SEMA5A: variants seen among roughly 807,000 people sequenced by gnomAD.
SEMA5A encodes semaphorin-5A.
Under a neutral mutation model 135.5 loss-of-function variants are expected in SEMA5A, and 55 were observed. The ratio of observed to expected loss-of-function variants is 0.41; its 90% confidence interval spans 0.33 to 0.51. SEMA5A has a LOEUF of 0.51. SEMA5A is among the 20% of genes least tolerant of loss of function. The pLI, the probability that SEMA5A is intolerant of heterozygous loss-of-function variation, is 0.37. For missense variants in SEMA5A, 1,290 were observed against 1,419.9 expected (o/e 0.91, Z 1.47); for synonymous variants, 580 against 546.5 (o/e 1.06, Z -0.85).
chr5:9,402,801 GC>G (rs202035609), intron 2 of SEMA5A, among the ~76,000 whole-genome samples: 3,108 of 152,216 alleles, frequency 0.02, 48 homozygotes, highest in Non-Finnish European at 0.03. Context: ...TTCTCACCTT[GC>G]CCCAGCCAGT....
intron 12 of SEMA5A, among the ~76,000 whole-genome samples, chr5:9,144,767 G>A (rs1742242535): frequency 6.6e-6 from 1 of 152,178 alleles, no homozygotes; most frequent in Non-Finnish European, 1.5e-5. Flanking sequence ...GCTTGGATGA[G>A]GCCATGCTGA....
intron 3 of SEMA5A, among the ~76,000 whole-genome samples, chr5:9,361,965 T>G (rs1036196949): frequency 6.6e-6 from 1 of 152,122 alleles, no homozygotes; most frequent in African/African-American, 2.4e-5. Context: ...GAAGATTTGG[T>G]GTTAAGGCCC....
chr5:9,308,738 G>T (rs572672595), intron 5 of SEMA5A, among the ~76,000 whole-genome samples: 27 of 152,228 alleles, frequency 1.8e-4, no homozygotes, highest in African/African-American at 5.8e-4. Flanking sequence ...CCAAATCCTA[G>T]CTCTACCACC....
chr5:9,168,019 G>A lies in SEMA5A; in HGVS notation c.1274-13324C>T, dbSNP rs73038863. Among the ~76,000 whole-genome samples, 893 of 152,154 alleles carry A rather than the reference G, an allele frequency of 5.9e-3. 4 individuals are homozygous for A. The highest frequency in any genetic ancestry group is 0.02 in the African/African-American group (824 of 41,468). ...AATAACCATGTTAAAAATTCTATAG[G>A]TGTCCAGAGCACACAGGTCACTCCT... On this transcript the variant is annotated intron_variant, in intron 11 of 22. Coordinates refer to ENST00000382496, the MANE Select transcript of SEMA5A (RefSeq NM_003966.3).
chr5:9,331,845 T>A (rs1309623262), intron 4 of SEMA5A, among the ~76,000 whole-genome samples: 2 of 152,230 alleles, frequency 1.3e-5, no homozygotes, highest in East Asian at 1.9e-4. Context: ...AATCTTTCCT[T>A]TTTTATCTGT....
rs1227634270 is a variant in SEMA5A at position 9,043,000 on chromosome 5, T to C, written c.3122A>G (p.Asn1041Ser). The C allele has an allele frequency of 2.5e-6, 4 of 1,604,718 alleles. No homozygotes were observed. Among genetic ancestry groups the C allele is most frequent in the African/African-American group, 1.4e-5 (1 of 71,896 alleles). Residue 1041 changes from asparagine (N) to serine (S), a missense_variant, in exon 23 of 23, where the codon AAC becomes AGC. Around this residue, in one of 3 missense-constraint regions of SEMA5A, gnomAD observed 1,029 missense variants for 1,086.6 expected, o/e 0.95. Coordinates refer to ENST00000382496, the MANE Select transcript of SEMA5A (RefSeq NM_003966.3). ...VEAIKAFNKN[N>S]LILEERNKYF... ...TTTGTTTCTTTCCTCTAGGATCAAGTTGTTTTTGTTAAATGCCTGGAAAAT... is the reference window on the plus strand; with the variant it reads ...TTTGTTTCTTTCCTCTAGGATCAAGCTGTTTTTGTTAAATGCCTGGAAAAT...
rs1305606521 is a variant in SEMA5A at position 9,109,027 on chromosome 5, A to ATTTTTTTTTTTTT, written c.1926-741_1926-740insAAAAAAAAAAAAA. Among the ~76,000 whole-genome samples the ATTTTTTTTTTTTT allele has an allele frequency of 3.9e-4, 46 of 118,916 alleles. 6 individuals are homozygous for ATTTTTTTTTTTTT. The highest frequency in any genetic ancestry group is 3.4e-3 in the East Asian group (13 of 3,804). 78.0% of individuals were successfully genotyped at this position (118,916 alleles called of 152,430 possible). On this transcript the variant is annotated intron_variant, in intron 15 of 22. Coordinates refer to ENST00000382496, the MANE Select transcript of SEMA5A (RefSeq NM_003966.3). ...ATCATGAGTCATATTATTTCTCTTC[A>ATTTTTTTTTTTTT]ATTTTTTTTTTTTTTTTTTTTTTTT... is the stretch of plus-strand genomic sequence containing the variant.
intron 10 of SEMA5A, among the ~76,000 whole-genome samples, chr5:9,191,121 G>T (rs1745089387): frequency 6.6e-6 from 1 of 152,200 alleles, no homozygotes; most frequent in South Asian, 2.1e-4. Flanking sequence ...AACAGGAGAT[G>T]AGGAGGTAAG....
intron 5 of SEMA5A, among the ~76,000 whole-genome samples, chr5:9,286,890 G>C (rs1048295565): frequency 6.6e-6 from 1 of 152,224 alleles, no homozygotes; most frequent in East Asian, 1.9e-4. Flanking sequence ...CTTGGGCCGG[G>C]CTCCTTCTGC....
chr5:9,402,123 A>G (rs141501368), intron 2 of SEMA5A, among the ~76,000 whole-genome samples: 3,110 of 152,346 alleles, frequency 0.02, 48 homozygotes, highest in Non-Finnish European at 0.03. Context: ...CAATCTATAA[A>G]GGAGGATCCA....
intron 11 of SEMA5A, among the ~76,000 whole-genome samples, chr5:9,177,547 G>C (rs1744271319): frequency 3.9e-5 from 6 of 152,212 alleles, no homozygotes; most frequent in Admixed American, 3.9e-4. Context: ...TCAGTGCCTT[G>C]ACTTGGCCTT....
At chr5:9,464,637 G>C (rs1198845106) in intron 1 of SEMA5A, among the ~76,000 whole-genome samples, 1 of 152,188 alleles carries the variant, frequency 6.6e-6, no homozygotes, top group Non-Finnish European at 1.5e-5. Flanking sequence ...CAAAGCCCCC[G>C]TTGAGGGAGC....
chr5:9,378,751 T>G (rs536596873), intron 3 of SEMA5A, among the ~76,000 whole-genome samples: 1 of 152,340 alleles, frequency 6.6e-6, no homozygotes, highest in African/African-American at 2.4e-5. Flanking sequence ...TCGATTTGAC[T>G]TAACTGGCCA....
At position 9,066,614 on chromosome 5, in the gene SEMA5A, A is replaced by T. The variant is rs762990881; in HGVS notation, c.2106T>A (p.Pro702=). The change falls in exon 17 of 23, where the codon CCT becomes CCA. Residue 702 remains proline (P), a synonymous_variant. Coordinates refer to ENST00000382496, the MANE Select transcript of SEMA5A (RefSeq NM_003966.3). Reference sequence around the variant, plus strand: ...TCCAGGGCGTGGTCTTCTTCAGCTCAGGACACGGGTTGGTGTTGCAAGACT... The same window carrying T: ...TCCAGGGCGTGGTCTTCTTCAGCTCTGGACACGGGTTGGTGTTGCAAGACT... ...EYQSCNTNPC[P]ELKKTTPWTP... is the part of the protein sequence containing the mutation. 1.2e-6 allele frequency: 2 copies of T among 1,614,136 alleles called. No homozygotes were observed. Among genetic ancestry groups the T allele is most frequent in the Non-Finnish European group, 1.7e-6 (2 of 1,180,008 alleles).
At chr5:9,496,713 G>A (rs1201293476) in intron 1 of SEMA5A, among the ~76,000 whole-genome samples, 1 of 152,164 alleles carries the variant, frequency 6.6e-6, no homozygotes, top group African/African-American at 2.4e-5. Context: ...TGCCTGCCAA[G>A]TAGTCAAGAA....
chr5:9,097,156 A>G, intron 16 of SEMA5A, among the ~76,000 whole-genome samples: 1 of 152,192 alleles, frequency 6.6e-6, no homozygotes, highest in East Asian at 1.9e-4. Flanking sequence ...AATAAAAGAC[A>G]GGTACCCAGA....
intron 16 of SEMA5A, among the ~76,000 whole-genome samples, chr5:9,070,046 C>G (rs1191214664): frequency 6.6e-6 from 1 of 152,130 alleles, no homozygotes; most frequent in East Asian, 1.9e-4. Flanking sequence ...AGATAAGAAT[C>G]CTGGAGTTCC....
At chr5:9,106,612 CA>C (rs1739929958) in intron 16 of SEMA5A, among the ~76,000 whole-genome samples, 1 of 152,174 alleles carries the variant, frequency 6.6e-6, no homozygotes, top group Non-Finnish European at 1.5e-5. Flanking sequence ...ATGCAGACCT[CA>C]GGGGGCACAC....
intron 3 of SEMA5A, among the ~76,000 whole-genome samples, chr5:9,350,123 T>G (rs1204951763): frequency 6.6e-6 from 1 of 152,124 alleles, no homozygotes; most frequent in East Asian, 1.9e-4. Context: ...CATGGAGCCT[T>G]TGTTGGATGG....
Sources: allele counts gnomAD v4.1 joint callset (sites outside exome capture counted in the v4.1 genomes callset), GRCh38; gene constraint gnomAD v4.1.1; regional missense constraint gnomAD v4.1.1; transcripts MANE v1.5; gene names NCBI Gene and HGNC (gene_info 2026-07-23, HGNC 2026-07-21).